Variants in RBM6 observed in about 807,000 individuals in gnomAD.
RBM6 encodes the protein RNA binding motif protein 6, also known as RNA-binding protein 6.
RBM6 carries 23 observed loss-of-function variants against 140.4 expected under a neutral mutation model. The ratio of observed to expected loss-of-function variants is 0.16; its 90% CI spans 0.12 to 0.23. The LOEUF (loss-of-function observed/expected upper bound fraction) is 0.23. RBM6 is among the 10% of genes least tolerant of loss of function. RBM6 has a pLI of 1.00. For synonymous variants in RBM6, 439 were observed against 475.6 expected, an observed-to-expected ratio of 0.92 and a Z score of 1.00; for missense variants, 1,139 against 1,386.7, an observed-to-expected ratio of 0.82 and a Z score of 2.84.
intron 3 of RBM6, among the ~76,000 whole-genome samples, chr3:49,969,672 C>T (rs1263405398): frequency 6.6e-6 from 1 of 151,558 alleles, no homozygotes; most frequent in Non-Finnish European, 1.5e-5. Context: ...ATTATGGCTC[C>T]TTGCAGCCTT....
intron 6 of RBM6, among the ~76,000 whole-genome samples, chr3:50,039,541 G>A (rs535423380): frequency 2.8e-5 from 4 of 144,270 alleles, no homozygotes; most frequent in South Asian, 2.1e-4. Flanking sequence ...ATGGGCCACC[G>A]CACCCAGCAT....
chr3:50,000,443 G>C (rs1364013899), intron 6 of RBM6, among the ~76,000 whole-genome samples: 3 of 145,514 alleles, frequency 2.1e-5, no homozygotes, highest in African/African-American at 7.7e-5. Context: ...TTTTTGAGAC[G>C]GAGTTTTGCT....
At chr3:49,940,528 T>G (rs2108552126) in intron 1 of RBM6, 1 of 155,360 alleles carries the variant, frequency 6.4e-6, no homozygotes, top group African/African-American at 2.4e-5. Flanking sequence ...GTTGCGGCTC[T>G]GTGCTCCTAC....
chr3:49,964,841 C>T (rs1179023831), intron 2 of RBM6, among the ~76,000 whole-genome samples: 2 of 152,082 alleles, frequency 1.3e-5, no homozygotes, highest in Admixed American at 6.6e-5. Context: ...AAATTTAGAA[C>T]ATTTGTCTTT....
At chr3:50,020,010 C>T (rs979203140) in intron 6 of RBM6, among the ~76,000 whole-genome samples, 1 of 151,802 alleles carries the variant, frequency 6.6e-6, no homozygotes, top group Non-Finnish European at 1.5e-5. Flanking sequence ...CCTCAAGTTC[C>T]TCAGCTCAAG....
chr3:50,038,999 C>G (rs1360256690), intron 6 of RBM6, among the ~76,000 whole-genome samples: 1 of 152,052 alleles, frequency 6.6e-6, no homozygotes, highest in African/African-American at 2.4e-5. Flanking sequence ...TTAACTGATT[C>G]AATTGTCAGA....
intron 15 of RBM6, among the ~76,000 whole-genome samples, chr3:50,063,080 A>T (rs1377078530): frequency 2.6e-5 from 4 of 151,720 alleles, no homozygotes; most frequent in African/African-American, 7.3e-5. Context: ...TTTTGTAGAG[A>T]CAGGATCTTG....
chr3:49,958,829 C>T (rs2084139440), intron 1 of RBM6, among the ~76,000 whole-genome samples: 1 of 149,090 alleles, frequency 6.7e-6, no homozygotes, highest in Admixed American at 6.7e-5. Flanking sequence ...CTCTGTTGCC[C>T]TGGCTGGAGT....
rs2089777049 is a variant in RBM6, at chr3:50,057,859, G to A, written c.1825G>A (p.Glu609Lys). ...GGAACCTGAACCCAGGAAGAGGGAA[G>A]AAGGCCAAGAGTCACGCTTAGGACA... ...DKEPEPRKRE[E>K]GQESRLGHQK... Residue 609 changes from glutamate (E) to lysine (K), a missense_variant, in exon 9 of 21, where the codon GAA becomes AAA. Glu to Lys is a moderately conservative substitution (Grantham distance 56). Transcript: ENST00000266022. The A allele has an allele frequency of 1.2e-6, 2 of 1,614,042 alleles. No homozygotes were observed. Among genetic ancestry groups the A allele is most frequent in the Non-Finnish European group, 1.7e-6 (2 of 1,180,016 alleles).
intron 5 of RBM6, among the ~76,000 whole-genome samples, chr3:49,977,085 T>C (rs2085096054): frequency 6.6e-6 from 1 of 152,192 alleles, no homozygotes; most frequent in South Asian, 2.1e-4. Flanking sequence ...TCTAAAACCC[T>C]CTTAGGGCCT....
chr3:50,037,062 G>C (rs1444401133), intron 6 of RBM6, among the ~76,000 whole-genome samples: 3 of 152,030 alleles, frequency 2.0e-5, no homozygotes, highest in Non-Finnish European at 4.4e-5. Context: ...TCCATTCTTA[G>C]TCTTGGTACT....
rs962071437 is a variant in RBM6, at chr3:49,967,029, C to T, written c.45-441C>T. ...CGCTGGATGCAGCGTGAGAAAGATA[C>T]CTCCTGAAACTTACTGTAAGAAATT... is the stretch of plus-strand genomic sequence containing the variant. On this transcript the variant is annotated intron_variant, in intron 2 of 20. Transcript: ENST00000266022. The surrounding 1 kb of genome is among the most constrained non-coding windows in gnomAD (Gnocchi z 4.0). 2.0e-5 allele frequency among the ~76,000 whole-genome samples: 3 copies of T among 152,066 alleles called. No homozygotes were observed. The highest frequency in any genetic ancestry group is 7.2e-5 in the African/African-American group (3 of 41,400).
rs1397669827 is a variant in RBM6 at position 49,962,572 on chromosome 3, A to T, written c.-66-4A>T. On this transcript the variant is annotated splice_region_variant and splice_polypyrimidine_tract_variant and intron_variant, in intron 1 of 20. Transcript: ENST00000266022. ...TACTAATTTTTGTGGTTTATTTTGTACAGGTACTGCTATAACCAGAATTTG... is the reference window on the plus strand; with the variant it reads ...TACTAATTTTTGTGGTTTATTTTGTTCAGGTACTGCTATAACCAGAATTTG... The T allele has an allele frequency of 2.1e-5, 29 of 1,371,922 alleles. No homozygotes were observed. Among genetic ancestry groups the T allele is most frequent in the Non-Finnish European group, 2.9e-5 (29 of 995,436 alleles). The allele number at this position is 1,371,922 out of a possible 1,614,324, so 85.0% of individuals were successfully genotyped here.
chr3:50,012,518 C>T (rs1312931614), intron 6 of RBM6, among the ~76,000 whole-genome samples: 4 of 150,924 alleles, frequency 2.7e-5, no homozygotes, highest in East Asian at 2.0e-4. Flanking sequence ...CCACCACGCC[C>T]GGCTAAGTTT....
At chr3:49,958,561 A>T (rs2084119035) in intron 1 of RBM6, among the ~76,000 whole-genome samples, 1 of 148,910 alleles carries the variant, frequency 6.7e-6, no homozygotes, top group African/African-American at 2.5e-5. Flanking sequence ...GGGAGACAGC[A>T]AGACTCTGTC....
intron 6 of RBM6, among the ~76,000 whole-genome samples, chr3:50,040,901 TC>T (rs1175746908): frequency 6.6e-6 from 1 of 152,036 alleles, no homozygotes; most frequent in Admixed American, 6.6e-5. Flanking sequence ...TGCCTTGACC[TC>T]CCCAAATGCT....
In RBM6 at chr3:50,053,947, C is replaced by G. The variant is rs931798533; in HGVS notation, c.1633-388C>G. The G allele has an allele frequency of 3.1e-4, 51 of 163,912 alleles. 1 individual carries two copies. The highest frequency in any genetic ancestry group is 2.9e-3 in the Admixed American group (48 of 16,480). 10.2% of individuals were successfully genotyped at this position (163,912 alleles called of 1,614,324 possible). A position where few individuals can be genotyped will look rare whatever the true frequency, so the allele number is the denominator to read the frequency against. Reference sequence around the variant, plus strand: ...GGAGTTGATAACTGAATTCTCAGTTCTAGCCAAATGTGAATGGGGATCTCA... The same window carrying G: ...GGAGTTGATAACTGAATTCTCAGTTGTAGCCAAATGTGAATGGGGATCTCA... On this transcript the variant is annotated intron_variant, in intron 7 of 20. Coordinates refer to ENST00000266022, the MANE Select transcript of RBM6 (RefSeq NM_005777.3).
At chr3:49,951,239 G>T (rs956971569) in intron 1 of RBM6, among the ~76,000 whole-genome samples, 7 of 152,302 alleles carry the variant, frequency 4.6e-5, no homozygotes, top group Middle Eastern at 3.4e-3. Flanking sequence ...TTGAGATGGG[G>T]TCTTGCTCTG....
At chr3:50,015,634 A>G (rs898965461) in intron 6 of RBM6, among the ~76,000 whole-genome samples, 1 of 150,928 alleles carries the variant, frequency 6.6e-6, no homozygotes, top group Non-Finnish European at 1.5e-5. Context: ...GGGTTTCACC[A>G]TGTTAGCCAG....
Sources: allele counts gnomAD v4.1 joint callset (sites outside exome capture counted in the v4.1 genomes callset), GRCh38; gene constraint gnomAD v4.1.1; non-coding constraint Gnocchi (gnomAD v3.1); transcripts MANE v1.5; gene names NCBI Gene and HGNC (gene_info 2026-07-23, HGNC 2026-07-21).